Variants in HIVEP3 observed in about 807,000 individuals in gnomAD.
HIVEP3 encodes transcription factor HIVEP3.
In HIVEP3, 49 loss-of-function variants were observed where a neutral mutation model predicts 152.8. The ratio of observed to expected loss-of-function variants is 0.32; its 90% confidence interval spans 0.26 to 0.41. The LOEUF is 0.41. HIVEP3 is among the 10% of genes least tolerant of loss of function. HIVEP3 has a pLI of 1.00. For missense variants in HIVEP3, 2,790 were observed against 3,103.3 expected (o/e 0.90, Z 2.40); for synonymous variants, 1,269 against 1,289.0 (o/e 0.98, Z 0.33).
rs181042026 is a variant in HIVEP3 at position 41,908,010 on chromosome 1, T to C, written c.-801+10403A>G. On this transcript the variant is annotated intron_variant, in intron 1 of 8. Coordinates refer to ENST00000372583, the MANE Select transcript of HIVEP3 (RefSeq NM_024503.5). The stretch of plus-strand genomic sequence containing the variant: ...CCTATAATTCTATAAAAACTGGAGA[T>C]TGGAGAGATAGGAGGGTACAACTCT... Among the ~76,000 whole-genome samples, 11 of 152,018 alleles carry C rather than the reference T, an allele frequency of 7.2e-5. No individual in the cohort carries two copies. In the East Asian group the frequency reaches 7.7e-4, roughly 11 times the overall value.
Position 41,545,312 on chromosome 1 carries a change from C to T in HIVEP3, c.5208-20402G>A, listed in dbSNP as rs1272157318. 3.1e-3 allele frequency among the ~76,000 whole-genome samples: 433 copies of T among 141,230 alleles called. 3 individuals are homozygous for T. The highest frequency in any genetic ancestry group is 0.011 in the African/African-American group (397 of 36,450). The allele number at this position is 141,230 out of a possible 152,430, so 92.7% of individuals were successfully genotyped here. ...CCACCATCACCACCTCTACCACCATCGCTACCATCGCCACCATCACCACTA... is the reference window on the plus strand; with the variant it reads ...CCACCATCACCACCTCTACCACCATTGCTACCATCGCCACCATCACCACTA... On this transcript the variant is annotated intron_variant, in intron 5 of 8. Coordinates refer to ENST00000372583, the MANE Select transcript of HIVEP3 (RefSeq NM_024503.5).
At chr1:41,879,555 C>A (rs1330934439) in intron 1 of HIVEP3, among the ~76,000 whole-genome samples, 1 of 152,218 alleles carries the variant, frequency 6.6e-6, no homozygotes, top group East Asian at 1.9e-4. Context: ...TCACAGCATG[C>A]TTTAAATTAA....
intron 1 of HIVEP3, among the ~76,000 whole-genome samples, chr1:41,900,485 T>G (rs193292388): frequency 2.0e-4 from 31 of 152,188 alleles, no homozygotes; most frequent in Admixed American, 2.0e-3. Context: ...TCTAACAGAC[T>G]TCGTTTATTA....
chr1:42,029,358 G>A (rs1645600189), intron 1 of HIVEP3, among the ~76,000 whole-genome samples: 1 of 151,988 alleles, frequency 6.6e-6, no homozygotes, highest in Admixed American at 6.5e-5. Flanking sequence ...AGTGGGTCTG[G>A]ACAAAAAAAC....
At position 41,688,072 on chromosome 1, in the gene HIVEP3, GC is replaced by G. The variant is rs141390179; in HGVS notation, c.-721+12843del. Among the ~76,000 whole-genome samples the G allele has an allele frequency of 4.9e-3, 753 of 152,364 alleles. 8 individuals are homozygous for G. Among genetic ancestry groups the G allele is most frequent in the African/African-American group, 0.017 (720 of 41,582 alleles). On this transcript the variant is annotated intron_variant, in intron 2 of 8. Coordinates refer to ENST00000372583, the MANE Select transcript of HIVEP3 (RefSeq NM_024503.5). ...AGCAGAAAGATGCATGTGCCTGTGG[GC>G]ACCACGGTTCTTGTTGATAGTTCCT...
chr1:41,958,977 T>C (rs1645155245), intron 1 of HIVEP3, among the ~76,000 whole-genome samples: 1 of 152,198 alleles, frequency 6.6e-6, no homozygotes, highest in East Asian at 1.9e-4. Context: ...CAGTGAGCAC[T>C]GATGATGGAA....
chr1:41,933,708 T>C (rs1645006235), intron 1 of HIVEP3, among the ~76,000 whole-genome samples: 1 of 151,834 alleles, frequency 6.6e-6, no homozygotes, highest in African/African-American at 2.4e-5. Context: ...TTGCTAGCTG[T>C]TTTTTTGTTC....
intron 1 of HIVEP3, among the ~76,000 whole-genome samples, chr1:41,840,118 T>G (rs1643243830): frequency 6.6e-6 from 1 of 152,128 alleles, no homozygotes; most frequent in Admixed American, 6.5e-5. Flanking sequence ...TATGAATCAG[T>G]TTGCCACCGT....
At chr1:41,861,004 C>T (rs775682446) in intron 1 of HIVEP3, among the ~76,000 whole-genome samples, 2 of 152,296 alleles carry the variant, frequency 1.3e-5, no homozygotes, top group East Asian at 1.9e-4. Flanking sequence ...ATTAAAATCC[C>T]GAACTACGAG....
In HIVEP3 at chr1:41,825,428, G is replaced by A. The variant is rs144247448; in HGVS notation, c.-801+92985C>T. Among the ~76,000 whole-genome samples, 339 of 152,056 alleles carry A rather than the reference G, an allele frequency of 2.2e-3. 1 individual carries two copies. Among genetic ancestry groups the A allele is most frequent in the African/African-American group, 7.5e-3 (312 of 41,476 alleles). The stretch of plus-strand genomic sequence containing the variant: ...CCTTACAACAGGTGCTCGCCACCAC[G>A]CCCAGCTAATATTTTCTATTTTCAG... On this transcript the variant is annotated intron_variant, in intron 1 of 8. Transcript: ENST00000372583.
intron 1 of HIVEP3, among the ~76,000 whole-genome samples, chr1:41,731,638 T>C (rs893129979): frequency 1.3e-5 from 2 of 152,202 alleles, no homozygotes; most frequent in African/African-American, 4.8e-5. Context: ...AAACAGCCTA[T>C]GGAGATGCCC....
At chr1:41,841,691 C>A (rs987314337) in intron 1 of HIVEP3, among the ~76,000 whole-genome samples, 1 of 152,190 alleles carries the variant, frequency 6.6e-6, no homozygotes, top group East Asian at 1.9e-4. Context: ...AAGCTCAGGG[C>A]CTCAATGTCC....
chr1:41,867,567 CT>C (rs752050669), intron 1 of HIVEP3, among the ~76,000 whole-genome samples: 21 of 152,310 alleles, frequency 1.4e-4, no homozygotes, highest in South Asian at 4.1e-4. Context: ...GGATGGCCTT[CT>C]TGCTGCAGGC....
intron 1 of HIVEP3, among the ~76,000 whole-genome samples, chr1:41,714,904 G>C (rs1215424707): frequency 6.6e-6 from 1 of 152,098 alleles, no homozygotes; most frequent in South Asian, 2.1e-4. Flanking sequence ...GGAGTTTTCT[G>C]GGGGGAGGTG....
intron 1 of HIVEP3, among the ~76,000 whole-genome samples, chr1:41,985,188 T>G (rs1645315147): frequency 6.6e-6 from 1 of 152,112 alleles, no homozygotes; most frequent in African/African-American, 2.4e-5. Flanking sequence ...CATGGTGAGT[T>G]TGAGAAGAGG....
intron 2 of HIVEP3, among the ~76,000 whole-genome samples, chr1:41,678,558 C>G (rs997990481): frequency 4.6e-5 from 7 of 152,012 alleles, no homozygotes; most frequent in Non-Finnish European, 8.8e-5. Flanking sequence ...CCACACACCT[C>G]TTCCCCAGAA....
chr1:41,765,275 C>T (rs757607785), intron 1 of HIVEP3, among the ~76,000 whole-genome samples: 1 of 152,170 alleles, frequency 6.6e-6, no homozygotes, highest in African/African-American at 2.4e-5. Context: ...TTTATAAACC[C>T]CTGTTCCCTT....
intron 1 of HIVEP3, among the ~76,000 whole-genome samples, chr1:41,884,114 C>T (rs974286364): frequency 1.1e-4 from 16 of 152,208 alleles, no homozygotes; most frequent in African/African-American, 3.1e-4. Flanking sequence ...TACAGGAGCA[C>T]ACCACCATGC....
chr1:41,547,215 C>T (rs1292295447), intron 5 of HIVEP3, among the ~76,000 whole-genome samples: 2 of 152,214 alleles, frequency 1.3e-5, no homozygotes, highest in African/African-American at 2.4e-5. Flanking sequence ...TGTTTTAAAG[C>T]ATCTACGGAT....
Sources: allele counts gnomAD v4.1 joint callset (sites outside exome capture counted in the v4.1 genomes callset), GRCh38; gene constraint gnomAD v4.1.1; transcripts MANE v1.5; gene names NCBI Gene and HGNC (gene_info 2026-07-23, HGNC 2026-07-21).